The following RPTOR variants were observed in gnomAD, a reference collection of about 807,000 sequenced individuals.
RPTOR encodes the protein regulatory-associated protein of mTOR.
Under a neutral mutation model 169.9 loss-of-function variants are expected in RPTOR, and 21 were observed. The observed-to-expected ratio is 0.12, with a 90% CI of 0.09 to 0.18. The LOEUF is 0.18. RPTOR is among the 10% of genes least tolerant of loss of function. The pLI, the probability that RPTOR is intolerant of heterozygous loss-of-function variation, is 1.00. For missense variants in RPTOR, 1,133 were observed against 1,855.9 expected (o/e 0.61, Z 7.16); for synonymous variants, 732 against 753.2 (o/e 0.97, Z 0.46).
At chr17:80,739,362 C>T (rs984951311) in intron 5 of RPTOR, among the ~76,000 whole-genome samples, 3 of 152,162 alleles carry the variant, frequency 2.0e-5, no homozygotes, top group East Asian at 1.9e-4. Context: ...CAGCATCACA[C>T]GATAAGTCCG....
At chr17:80,904,481 C>A (rs2068516411) in intron 20 of RPTOR, among the ~76,000 whole-genome samples, 1 of 152,116 alleles carries the variant, frequency 6.6e-6, no homozygotes, top group Non-Finnish European at 1.5e-5. Context: ...ATTTCCCCGC[C>A]GTGTATGCTA....
chr17:80,625,762 C>G lies in RPTOR; in HGVS notation c.234C>G (p.Thr78=), dbSNP rs17848685. The change falls in exon 2 of 34, where the codon ACC becomes ACG. Residue 78 remains threonine (T), a synonymous_variant. Coordinates refer to ENST00000306801, the MANE Select transcript of RPTOR (RefSeq NM_020761.3). ...VGVDPPDVVK[T]TPCARLECWI... is the part of the protein sequence containing the mutation. ...TGGACCCTCCCGATGTGGTGAAGAC[C>G]ACGCCCTGTGCACGCTTGGAATGCT... 318,994 of 1,610,580 alleles carry G rather than the reference C, an allele frequency of 0.2. 34,165 individuals carry two copies. Among genetic ancestry groups the G allele is most frequent in the Middle Eastern group, 0.26 (1,431 of 5,448 alleles).
rs2069430227 is a variant in RPTOR, at chr17:80,966,219, C to T, written c.*1889C>T. The T allele has an allele frequency of 4.5e-6, 1 of 220,854 alleles. No individual in the cohort carries two copies. The highest frequency in any genetic ancestry group is 2.3e-5 in the African/African-American group (1 of 44,230). The allele number at this position is 220,854 out of a possible 1,614,324, so 13.7% of individuals were successfully genotyped here. ...CAGGTCTGATGTGAAAATTCAATCA[C>T]GACGTTAACCGGCTCGAGAGAGCGC... On this transcript the variant is annotated 3_prime_UTR_variant, in exon 34 of 34. Coordinates refer to ENST00000306801, the MANE Select transcript of RPTOR (RefSeq NM_020761.3).
chr17:80,884,254 G>A (rs939581552), intron 16 of RPTOR, among the ~76,000 whole-genome samples: 12 of 152,236 alleles, frequency 7.9e-5, no homozygotes, highest in Non-Finnish European at 1.3e-4. Context: ...CTGTCCGGGT[G>A]CCGCTCTGCG....
chr17:80,641,629 G>A (rs550126455), intron 2 of RPTOR, among the ~76,000 whole-genome samples: 3 of 152,294 alleles, frequency 2.0e-5, no homozygotes, highest in Admixed American at 6.5e-5. Context: ...TAAAAGTTAC[G>A]TTTACACTGT....
At chr17:80,932,082 C>A (rs2068904390) in intron 24 of RPTOR, among the ~76,000 whole-genome samples, 1 of 151,754 alleles carries the variant, frequency 6.6e-6, no homozygotes, top group African/African-American at 2.4e-5. Context: ...CATTTCAGTG[C>A]CTCGCTAGAT....
At chr17:80,747,724 A>G (rs1274667396) in intron 5 of RPTOR, among the ~76,000 whole-genome samples, 4 of 152,238 alleles carry the variant, frequency 2.6e-5, no homozygotes, top group Non-Finnish European at 5.9e-5. Flanking sequence ...TCCACCGGAC[A>G]AGACACAGAC....
intron 8 of RPTOR, among the ~76,000 whole-genome samples, chr17:80,822,653 T>C (rs989379825): frequency 5.3e-5 from 8 of 152,234 alleles, no homozygotes; most frequent in African/African-American, 1.9e-4. Context: ...GTATTTTTTA[T>C]TGATTGGTTG....
chr17:80,821,902 G>A (rs115624782), intron 7 of RPTOR, among the ~76,000 whole-genome samples: 3,857 of 152,296 alleles, frequency 0.025, 192 homozygotes, highest in African/African-American at 0.089. Flanking sequence ...TCCAGTCATC[G>A]GTCCATGGGA....
intron 11 of RPTOR, among the ~76,000 whole-genome samples, chr17:80,853,172 C>T (rs995711429): frequency 3.9e-5 from 6 of 152,134 alleles, no homozygotes; most frequent in African/African-American, 1.4e-4. Context: ...TTCTGGATCT[C>T]AAAACAAACT....
intron 7 of RPTOR, among the ~76,000 whole-genome samples, chr17:80,819,948 C>T (rs898554459): frequency 2.6e-5 from 4 of 152,342 alleles, no homozygotes; most frequent in Admixed American, 6.5e-5. Context: ...GACCTGAGCT[C>T]TGCAGTTGGT....
chr17:80,698,721 A>T (rs1310382204), intron 3 of RPTOR, among the ~76,000 whole-genome samples: 2 of 152,230 alleles, frequency 1.3e-5, no homozygotes, highest in Non-Finnish European at 1.5e-5. Context: ...AATGTCTTTT[A>T]TTACCATTCA....
chr17:80,828,019 T>G (rs56238004), intron 9 of RPTOR, among the ~76,000 whole-genome samples: 23,142 of 152,152 alleles, frequency 0.15, 1,904 homozygotes, highest in Middle Eastern at 0.23. Flanking sequence ...TGCTGAGTCA[T>G]GGGATGTACG....
intron 11 of RPTOR, among the ~76,000 whole-genome samples, chr17:80,853,071 A>C (rs2067811016): frequency 2.7e-5 from 4 of 148,780 alleles, no homozygotes; most frequent in African/African-American, 5.0e-5. Flanking sequence ...ACCCCCTTCC[A>C]CTCGCCTCCC....
intron 13 of RPTOR, among the ~76,000 whole-genome samples, chr17:80,870,778 A>G (rs116465780): frequency 0.012 from 1,883 of 152,390 alleles, 30 homozygotes; most frequent in African/African-American, 0.043. Flanking sequence ...TTAGATTTAC[A>G]GAAAACTGGA....
intron 10 of RPTOR, among the ~76,000 whole-genome samples, chr17:80,840,602 GCTCA>G (rs1432305806): frequency 4.5e-5 from 3 of 66,874 alleles, no homozygotes; most frequent in Admixed American, 1.9e-4. Context: ...CCGCACGGCA[GCTCA>G]CTCTCACCAC....
intron 20 of RPTOR, among the ~76,000 whole-genome samples, chr17:80,908,223 G>A (rs1466787794): frequency 2.6e-5 from 4 of 152,216 alleles, no homozygotes; most frequent in Non-Finnish European, 5.9e-5. Context: ...CGAGTATGCA[G>A]CACAGAACCT....
intron 1 of RPTOR, among the ~76,000 whole-genome samples, chr17:80,565,874 G>T (rs117432302): frequency 2.0e-5 from 3 of 152,248 alleles, no homozygotes; most frequent in African/African-American, 7.2e-5. Flanking sequence ...GTTAAGCGGC[G>T]AGCCAGGAGC....
chr17:80,814,624 A>C (rs2067305297), intron 7 of RPTOR, among the ~76,000 whole-genome samples: 1 of 152,208 alleles, frequency 6.6e-6, no homozygotes, highest in South Asian at 2.1e-4. Flanking sequence ...GGATTCACCC[A>C]TTGGCTCATC....
Sources: gnomAD v4.1 joint callset for allele counts (sites outside exome capture counted in the v4.1 genomes callset) on GRCh38, gnomAD v4.1.1 for gene constraint, MANE v1.5 for transcripts, NCBI Gene and HGNC (gene_info 2026-07-23, HGNC 2026-07-21) for gene names.